The following KLF7 variants were observed in gnomAD, a reference collection of about 807,000 sequenced individuals.
The protein encoded by KLF7 is Krueppel-like factor 7.
Under a neutral mutation model 27.3 loss-of-function variants are expected in KLF7, and 2 were observed. That is an observed-to-expected ratio of 0.07 (90% CI 0.03 to 0.23). The LOEUF (loss-of-function observed/expected upper bound fraction) is 0.23, where lower values mean the gene tolerates loss of function less well. Among genes scored for constraint, KLF7 ranks in the 10% least tolerant of loss-of-function variants. The pLI is 1.00. For synonymous variants in KLF7, 165 were observed against 162.4 expected (o/e 1.02, Z -0.12); for missense variants, 221 against 394.1 (o/e 0.56, Z 3.72).
At chr2:207,126,282 T>C (rs1188751689) in intron 1 of KLF7, among the ~76,000 whole-genome samples, 1 of 152,184 alleles carries the variant, frequency 6.6e-6, no homozygotes, top group Non-Finnish European at 1.5e-5. Context: ...ATTTCTGAAT[T>C]ATAAGATTCT....
chr2:207,164,094 G>A (rs1395782052), intron 1 of KLF7, among the ~76,000 whole-genome samples: 2 of 152,186 alleles, frequency 1.3e-5, no homozygotes, highest in South Asian at 2.1e-4. Flanking sequence ...GACCAGAAGT[G>A]AACTAGCAAC....
At chr2:207,117,521 G>C (rs970286586) in intron 2 of KLF7, among the ~76,000 whole-genome samples, 15 of 152,094 alleles carry the variant, frequency 9.9e-5, no homozygotes, top group Non-Finnish European at 1.5e-5. Flanking sequence ...CTCAACACAT[G>C]GATAAACTTC....
intron 2 of KLF7, among the ~76,000 whole-genome samples, chr2:207,101,724 T>C (rs765965125): frequency 1.3e-5 from 2 of 152,192 alleles, no homozygotes; most frequent in Non-Finnish European, 2.9e-5. Context: ...GTGGTCCTAG[T>C]ACTTCCAAAG....
At chr2:207,084,957 G>A (rs2105858683) in intron 3 of KLF7, among the ~76,000 whole-genome samples, 1 of 152,050 alleles carries the variant, frequency 6.6e-6, no homozygotes, top group East Asian at 1.9e-4. Context: ...GAGGTCAGGA[G>A]TTCAAGACCA....
upstream of KLF7, among the ~76,000 whole-genome samples, chr2:207,171,366 TAACA>T (rs538137145): frequency 5.1e-4 from 77 of 152,278 alleles, no homozygotes; most frequent in Non-Finnish European, 8.4e-4. Flanking sequence ...ATTGTTGAAA[TAACA>T]AACTACTTAG....
At chr2:207,095,456 A>G (rs1179784618) in intron 2 of KLF7, among the ~76,000 whole-genome samples, 2 of 152,234 alleles carry the variant, frequency 1.3e-5, no homozygotes, top group Admixed American at 1.3e-4. Flanking sequence ...AATTTAAACC[A>G]TATCCTCAAT....
intron 2 of KLF7, among the ~76,000 whole-genome samples, chr2:207,103,955 A>G (rs796532550): frequency 2.0e-5 from 3 of 152,342 alleles, no homozygotes; most frequent in African/African-American, 7.2e-5. Flanking sequence ...TCTGGTGAAT[A>G]AAGAGCCTGC....
At chr2:207,149,087 T>A in intron 1 of KLF7, 1 of 1,244,334 alleles carries the variant, frequency 8.0e-7, no homozygotes, top group Non-Finnish European at 1.0e-6. Context: ...TTCCATCAGC[T>A]CTTAGGGACT....
intron 1 of KLF7, among the ~76,000 whole-genome samples, chr2:207,155,266 T>C (rs2078351243): frequency 6.6e-6 from 1 of 152,196 alleles, no homozygotes; most frequent in Non-Finnish European, 1.5e-5. Context: ...CTGATACATA[T>C]GAGACAGTAC....
chr2:207,123,899 T>G lies in KLF7; in HGVS notation c.608A>C (p.Gln203Pro), dbSNP rs746466547. 1.2e-6 allele frequency: 2 copies of G among 1,613,910 alleles called. No individual in the cohort carries two copies. The highest frequency in any genetic ancestry group is 1.7e-6 in the Non-Finnish European group (2 of 1,180,016). The part of the protein sequence containing the change: ...AVKSGQSDSD[Q>P]GGLGAEACPE... ...ACATGCTTCAGCCCCCAGCCCTCCTTGGTCACTGTCGCTCTGTCCACTCTT... is the reference window on the plus strand; with the variant it reads ...ACATGCTTCAGCCCCCAGCCCTCCTGGGTCACTGTCGCTCTGTCCACTCTT... Residue 203 changes from glutamine (Q) to proline (P), a missense_variant, in exon 2 of 4, where the codon CAA becomes CCA. Transcript: ENST00000309446.
In KLF7 at chr2:207,165,798, C is replaced by G. The variant is rs955756752; in HGVS notation, c.-230G>C. The G allele has an allele frequency of 7.1e-7, 1 of 1,417,454 alleles. No homozygotes were observed. Among genetic ancestry groups the G allele is most frequent in the African/African-American group, 1.4e-5 (1 of 69,258 alleles). 87.8% of individuals were successfully genotyped at this position (1,417,454 alleles called of 1,614,324 possible). On this transcript the variant is annotated 5_prime_UTR_variant, in exon 1 of 4. Coordinates refer to ENST00000309446, the MANE Select transcript of KLF7 (RefSeq NM_003709.4). ...GGGGTGGATGGAGAGAGGCATCCAG[C>G]GTGTACAGTGCAGACGACTGCCAGG...
chr2:207,143,707 T>C (rs1008403744), intron 1 of KLF7, among the ~76,000 whole-genome samples: 6 of 152,232 alleles, frequency 3.9e-5, no homozygotes, highest in Non-Finnish European at 7.3e-5. Flanking sequence ...CTGTGGCTAC[T>C]ACTCAGATTC....
intron 1 of KLF7, among the ~76,000 whole-genome samples, chr2:207,146,296 G>C (rs1428835352): frequency 6.6e-6 from 1 of 152,058 alleles, no homozygotes; most frequent in Non-Finnish European, 1.5e-5. Flanking sequence ...GGTTACTTTG[G>C]GGGAATTCAA....
intron 1 of KLF7, among the ~76,000 whole-genome samples, chr2:207,137,749 CCT>C (rs1050694288): frequency 6.6e-6 from 1 of 150,548 alleles, no homozygotes; most frequent in Non-Finnish European, 1.5e-5. Context: ...ATTTTGGATG[CCT>C]CTCTCTCTAA....
At chr2:207,102,901 C>G (rs1198912906) in intron 2 of KLF7, among the ~76,000 whole-genome samples, 1 of 152,082 alleles carries the variant, frequency 6.6e-6, no homozygotes, top group Non-Finnish European at 1.5e-5. Flanking sequence ...ACGTAAGTGG[C>G]AGTGGCAAGT....
At chr2:207,134,065 A>G (rs1185496145) in intron 1 of KLF7, 2 of 1,531,902 alleles carry the variant, frequency 1.3e-6, no homozygotes, top group African/African-American at 2.8e-5. Flanking sequence ...CTTTACACTC[A>G]CTGGCCAAGA....
chr2:207,113,674 C>T (rs1390919230), intron 2 of KLF7, among the ~76,000 whole-genome samples: 2 of 150,496 alleles, frequency 1.3e-5, no homozygotes, highest in Non-Finnish European at 2.9e-5. Flanking sequence ...GTGTAGCAGG[C>T]CCAGGCTGGT....
At chr2:207,089,246 T>C (rs995988162) in intron 2 of KLF7, among the ~76,000 whole-genome samples, 2 of 152,260 alleles carry the variant, frequency 1.3e-5, no homozygotes, top group African/African-American at 2.4e-5. Flanking sequence ...AGGAAGCTCA[T>C]AGCTTAACAA....
chr2:207,143,683 T>A (rs1263670), intron 1 of KLF7, among the ~76,000 whole-genome samples: 1 of 152,314 alleles, frequency 6.6e-6, no homozygotes, highest in African/African-American at 2.4e-5. Flanking sequence ...GATTTGGCTA[T>A]GGAGCTACTG....
Sources: gnomAD v4.1 joint callset for allele counts (sites outside exome capture counted in the v4.1 genomes callset) on GRCh38, gnomAD v4.1.1 for gene constraint, MANE v1.5 for transcripts, NCBI Gene and HGNC (gene_info 2026-07-23, HGNC 2026-07-21) for gene names.